The following TUSC3 variants were observed in gnomAD, a reference collection of about 807,000 sequenced individuals.
TUSC3 encodes the protein tumor suppressor candidate 3.
A neutral mutation model predicts 44.8 loss-of-function variants in TUSC3; 45 were observed. That is an observed-to-expected ratio of 1.00 (90% CI 0.79 to 1.29). The LOEUF (loss-of-function observed/expected upper bound fraction) is 1.29, where lower values mean the gene tolerates loss of function less well. Among genes scored for constraint, TUSC3 ranks in the 50% most tolerant of loss-of-function variants. The pLI is 0.00. For synonymous variants in TUSC3, 212 were observed against 152.9 expected (o/e 1.39, Z -2.85); for missense variants, 519 against 437.9 (o/e 1.19, Z -1.65).
chr8:15,726,281 T>C (rs527822587), intron 6 of TUSC3, among the ~76,000 whole-genome samples: 20 of 152,250 alleles, frequency 1.3e-4, no homozygotes, highest in African/African-American at 4.8e-4. Context: ...AACACTAATA[T>C]TAAACAAAAT....
chr8:15,678,935 G>A (rs1808300524), intron 6 of TUSC3, among the ~76,000 whole-genome samples: 1 of 152,124 alleles, frequency 6.6e-6, no homozygotes, highest in Admixed American at 6.5e-5. Context: ...TGATTTGGAG[G>A]ACATGATTTT....
intron 1 of TUSC3, among the ~76,000 whole-genome samples, chr8:15,610,667 C>G (rs1430456900): frequency 1.3e-5 from 2 of 152,172 alleles, no homozygotes; most frequent in Non-Finnish European, 2.9e-5. Flanking sequence ...AGCAAAGAGA[C>G]TGGCAAATTG....
At chr8:15,775,639 T>TAA in the TUSC3 span, among the ~76,000 whole-genome samples, 318 of 114,514 alleles carry the variant, frequency 2.8e-3, no homozygotes, top group Middle Eastern at 0.019. Context: ...GACACATATA[T>TAA]ATATATATAT....
chr8:15,774,395 C>A, the TUSC3 span, among the ~76,000 whole-genome samples: 1 of 152,006 alleles, frequency 6.6e-6, no homozygotes, highest in Non-Finnish European at 1.5e-5. Flanking sequence ...AAGAAGGAAG[C>A]CATGTATGGA....
intron 1 of TUSC3, among the ~76,000 whole-genome samples, chr8:15,599,034 G>T (rs993158478): frequency 2.0e-5 from 3 of 151,760 alleles, no homozygotes; most frequent in Non-Finnish European, 4.4e-5. Context: ...CTTGCAAAGT[G>T]CCTGTACCAT....
At position 15,688,173 on chromosome 8, in the gene TUSC3, G is replaced by C. The variant is rs541083274; in HGVS notation, c.798+14337G>C. Among the ~76,000 whole-genome samples, 68 of 151,674 alleles carry C rather than the reference G, an allele frequency of 4.5e-4. 2 individuals carry two copies. In the South Asian group the frequency reaches 0.014, roughly 32 times the overall value. On this transcript the variant is annotated intron_variant, in intron 6 of 10. Transcript: ENST00000503731. Reference sequence around the variant, plus strand: ...AAAAACCAAAGATATTATTTTCATCGTATCAATAAAGTTGAGTACAATTAT... The same window carrying C: ...AAAAACCAAAGATATTATTTTCATCCTATCAATAAAGTTGAGTACAATTAT...
chr8:15,480,697 T>C (rs1478061399), intron 1 of TUSC3, among the ~76,000 whole-genome samples: 2 of 152,204 alleles, frequency 1.3e-5, no homozygotes, highest in African/African-American at 2.4e-5. Context: ...ACCTGCATCC[T>C]TGGTGTCTCT....
chr8:15,680,007 G>A (rs1172038035), intron 6 of TUSC3, among the ~76,000 whole-genome samples: 3 of 151,992 alleles, frequency 2.0e-5, no homozygotes, highest in African/African-American at 7.2e-5. Context: ...ATAGTTTGAT[G>A]TTGGGTAATA....
chr8:15,591,290 A>G (rs1803828640), intron 1 of TUSC3, among the ~76,000 whole-genome samples: 1 of 152,010 alleles, frequency 6.6e-6, no homozygotes, highest in African/African-American at 2.4e-5. Flanking sequence ...AGGTTTGGAT[A>G]AATTGAGGGT....
chr8:15,441,912 T>C (rs1301536496), intron 1 of TUSC3, among the ~76,000 whole-genome samples: 2 of 152,204 alleles, frequency 1.3e-5, no homozygotes, highest in African/African-American at 4.8e-5. Context: ...GTATTCATTT[T>C]AATGATCTGA....
At chr8:15,719,785 G>A (rs897188558) in intron 6 of TUSC3, among the ~76,000 whole-genome samples, 5 of 152,000 alleles carry the variant, frequency 3.3e-5, no homozygotes, top group African/African-American at 1.2e-4. Context: ...AGGAAACTGC[G>A]CCATATGTTG....
the TUSC3 span, among the ~76,000 whole-genome samples, chr8:15,843,654 ACAT>A: frequency 6.6e-6 from 1 of 150,966 alleles, no homozygotes; most frequent in Non-Finnish European, 1.5e-5. Flanking sequence ...ATCTATATCT[ACAT>A]GATGTTTATA....
At chr8:15,634,405 C>G (rs1453670850) in intron 2 of TUSC3, among the ~76,000 whole-genome samples, 3 of 152,200 alleles carry the variant, frequency 2.0e-5, no homozygotes, top group African/African-American at 7.2e-5. Flanking sequence ...CACTAGCAGG[C>G]CATCCCTTGT....
chr8:15,533,808 C>G (rs2129130967), intron 2 of TUSC3, among the ~76,000 whole-genome samples: 1 of 152,258 alleles, frequency 6.6e-6, no homozygotes, highest in Middle Eastern at 3.4e-3. Context: ...TGAAATGTCT[C>G]TGGCCAGATG....
intron 1 of TUSC3, among the ~76,000 whole-genome samples, chr8:15,441,606 C>A (rs992890436): frequency 6.6e-6 from 1 of 152,086 alleles, no homozygotes; most frequent in African/African-American, 2.4e-5. Flanking sequence ...AACAAAAGGA[C>A]AACTGTTCTC....
intron 1 of TUSC3, among the ~76,000 whole-genome samples, chr8:15,461,591 T>C (rs1023215307): frequency 1.3e-5 from 2 of 151,854 alleles, no homozygotes; most frequent in Non-Finnish European, 2.9e-5. Context: ...GTGGTGAGAG[T>C]GGGCATCCTT....
intron 1 of TUSC3, among the ~76,000 whole-genome samples, chr8:15,559,437 T>C (rs1285248492): frequency 1.8e-4 from 26 of 148,124 alleles, no homozygotes; most frequent in African/African-American, 6.4e-4. Context: ...GTGGTCAATT[T>C]TGGAATAGGT....
the TUSC3 span, among the ~76,000 whole-genome samples, chr8:15,843,631 T>C: frequency 0.82 from 122,108 of 148,204 alleles, 50,557 homozygotes; most frequent in Non-Finnish European, 0.84. Flanking sequence ...TACACGCACA[T>C]ACACATATAT....
chr8:15,441,791 C>T (rs185120519), intron 1 of TUSC3, among the ~76,000 whole-genome samples: 2 of 152,188 alleles, frequency 1.3e-5, no homozygotes, highest in African/African-American at 4.8e-5. Context: ...GTGTTCCAGA[C>T]TGGATGACCC....
Sources: gnomAD v4.1 joint callset for allele counts (sites outside exome capture counted in the v4.1 genomes callset) on GRCh38, gnomAD v4.1.1 for gene constraint, MANE v1.5 for transcripts, NCBI Gene and HGNC (gene_info 2026-07-23, HGNC 2026-07-21) for gene names.